OXER1: variants seen among roughly 807,000 people sequenced by gnomAD.
OXER1 encodes oxoeicosanoid receptor 1.
For missense variants in OXER1, 587 were observed against 551.7 expected (o/e 1.06, Z -0.64); for synonymous variants, 258 against 245.8 (o/e 1.05, Z -0.47).
Position 42,762,992 on chromosome 2 carries a change from C to T in OXER1, c.1188G>A (p.Glu396=), listed in dbSNP as rs148146219. 54 of 1,613,978 alleles carry T rather than the reference C, an allele frequency of 3.3e-5. No individual in the cohort carries two copies. The African/African-American group carries it at 7.1e-4, about 21-fold the overall frequency. ...CTATGGCCTCCGCCTTCCTAGAGGCCTCCCGGTAGCGCCACTGCCTGGAGG... is the reference window on the plus strand; with the variant it reads ...CTATGGCCTCCGCCTTCCTAGAGGCTTCCCGGTAGCGCCACTGCCTGGAGG... The change falls in exon 1 of 1, where the codon GAG becomes GAA. Residue 396 remains glutamate, a synonymous_variant. Coordinates refer to ENST00000378661, the Ensembl canonical transcript of OXER1.
At chr2:42,762,844 T>C in exon 1 of OXER1, 2 of 1,506,864 alleles carry the variant, frequency 1.3e-6, no homozygotes, top group Non-Finnish European at 1.8e-6. Context: ...GTGCTGGCCT[T>C]GTCCCTCCAG....
chr2:42,763,676 G>A lies in OXER1; in HGVS notation c.504C>T (p.Asn168=), dbSNP rs568525218. The A allele has an allele frequency of 2.5e-6, 4 of 1,614,122 alleles. No homozygotes were observed. Among genetic ancestry groups the A allele is most frequent in the Non-Finnish European group, 3.4e-6 (4 of 1,180,008 alleles). The change falls in exon 1 of 1, where the codon AAC becomes AAT. Residue 168 remains asparagine (N), a synonymous_variant. Transcript: ENST00000378661. This position sits in a 1 kb window ranked among gnomAD's most constrained non-coding sequence, Gnocchi z 4.4. ...TGCGGTTGGTGGACAGCATGAAGAG[G>A]TTGACTTTGCAGGCAGCAGCCCCAA... is the stretch of plus-strand genomic sequence containing the variant.
At chr2:42,762,673 C>A in exon 1 of OXER1, 12 of 532,108 alleles carry the variant, frequency 2.3e-5, no homozygotes, top group South Asian at 1.4e-4. Flanking sequence ...CTGTCTCCTC[C>A]ACCCGGCATC....
chr2:42,762,627 G>GT (rs1670493993), exon 1 of OXER1: 1 of 462,486 alleles, frequency 2.2e-6, no homozygotes, highest in East Asian at 3.6e-5. Flanking sequence ...AGCTGCGCAG[G>GT]CCCCTGTCTG....
Position 42,763,901 on chromosome 2 carries a change from G to C in OXER1, c.279C>G (p.Ala93=), listed in dbSNP as rs201326886. ...CCAGGGCCAGGATTGGTGCCAGGAAGGCAGACACCAGCGAGGAAGAGGTGG... is the reference window on the plus strand; with the variant it reads ...CCAGGGCCAGGATTGGTGCCAGGAACGCAGACACCAGCGAGGAAGAGGTGG... The change falls in exon 1 of 1, where the codon GCC becomes GCG. Residue 93 remains alanine, a synonymous_variant. Transcript: ENST00000378661. The surrounding 1 kb of genome is among the most constrained non-coding windows in gnomAD (Gnocchi z 4.4). 3.1e-6 allele frequency: 5 copies of C among 1,613,884 alleles called. No homozygotes were observed. The African/African-American group carries it at 6.7e-5, about 22-fold the overall frequency.
chr2:42,763,143 A>G lies in OXER1; in HGVS notation c.1037T>C (p.Leu346Pro). The G allele has an allele frequency of 1.9e-6, 3 of 1,614,070 alleles. No homozygotes were observed. The South Asian group carries it at 3.3e-5, about 18-fold the overall frequency. The stretch of plus-strand genomic sequence containing the variant: ...GAGCACGGGGTCCAGGACACTGTTG[A>G]GGTAGGTGAAGGCCAGGGAGCCATG... Residue 346 changes from leucine to proline, a missense_variant, in exon 1 of 1, where the codon CTC becomes CCC. Transcript: ENST00000378661. This position sits in a 1 kb window ranked among gnomAD's most constrained non-coding sequence, Gnocchi z 4.4.
exon 1 of OXER1, chr2:42,764,098 G>C: frequency 6.2e-7 from 1 of 1,614,090 alleles, no homozygotes; most frequent in Non-Finnish European, 8.5e-7. Context: ...AGAAGGTTCT[G>C]GAGTCTTCTA....
Position 42,762,942 on chromosome 2 carries a change from ACCTCGC to A in OXER1, c.1232_1237del (p.Gly411_Glu412del). On this transcript the variant is annotated inframe_deletion, in exon 1 of 1. Transcript: ENST00000378661. ...GGAGGAGCCTTCCTTTTCCAGAGAG[ACCTCGC>A]CCTGCACTTTCAGCTTCCCTATGGC... 4 of 1,613,348 alleles carry A rather than the reference ACCTCGC, an allele frequency of 2.5e-6. No homozygotes were observed. In the South Asian group the frequency reaches 4.4e-5, roughly 18 times the overall value.
exon 1 of OXER1, chr2:42,762,693 C>T: frequency 1.7e-6 from 1 of 581,054 alleles, no homozygotes; most frequent in Non-Finnish European, 3.0e-6. Flanking sequence ...CCTGCTCTCC[C>T]CTGCATTCTG....
Position 42,763,882 on chromosome 2 carries a change from C to T in OXER1, c.298G>A (p.Ala100Thr). ...ACCAGGCCCAGGACAAACTCCAGGG[C>T]CAGGATTGGTGCCAGGAAGGCAGAC... The change falls in exon 1 of 1, where the codon GCC becomes ACC. Residue 100 changes from alanine (A) to threonine (T), a missense_variant. Coordinates refer to ENST00000378661, the Ensembl canonical transcript of OXER1. This position sits in a 1 kb window ranked among gnomAD's most constrained non-coding sequence, Gnocchi z 4.4. The T allele has an allele frequency of 6.2e-7, 1 of 1,613,858 alleles. No individual in the cohort carries two copies. Among genetic ancestry groups the T allele is most frequent in the South Asian group, 1.1e-5 (1 of 91,078 alleles).
At chr2:42,763,948 A>AC in the OXER1 span, 36 of 1,612,676 alleles carry the variant, frequency 2.2e-5, 1 homozygote, top group South Asian at 1.4e-4. This position sits in a 1 kb window ranked among gnomAD's most constrained non-coding sequence, Gnocchi z 4.4. Flanking sequence ...CCTCCAGAGG[A>AC]CCCCCCCACA....
chr2:42,763,102 G>A lies in OXER1; in HGVS notation c.1078C>T (p.Pro360Ser). Residue 360 changes from proline (P) to serine (S), a missense_variant, in exon 1 of 1, where the codon CCC becomes TCC. Transcript: ENST00000378661. This position sits in a 1 kb window ranked among gnomAD's most constrained non-coding sequence, Gnocchi z 4.4. ...GCCCGGCTCTGGTGGAGGAAGTTGG[G>A]GCTAGAGAAGCAGTAGAGCACGGGG... The A allele has an allele frequency of 6.2e-7, 1 of 1,614,198 alleles. No individual in the cohort carries two copies. The highest frequency in any genetic ancestry group is 8.5e-7 in the Non-Finnish European group (1 of 1,180,048).
rs1487008507 is a variant in OXER1 at position 42,763,206 on chromosome 2, G to T, written c.974C>A (p.Ser325Tyr). 1.2e-6 allele frequency: 2 copies of T among 1,610,582 alleles called. No homozygotes were observed. The highest frequency in any genetic ancestry group is 2.2e-5 in the South Asian group (2 of 90,610). The change falls in exon 1 of 1, where the codon TCC (serine) becomes TAC (tyrosine). Residue 325 changes from serine (S) to tyrosine (Y), a missense_variant. Transcript: ENST00000378661. The surrounding 1 kb of genome is among the most constrained non-coding windows in gnomAD (Gnocchi z 4.4). ...GCAGAGGTCCAGGGATCGGCAGGCG[G>T]ACAGCCAGAAAGCCACCATGGAAGC...
chr2:42,762,646 T>C, exon 1 of OXER1: 1 of 494,224 alleles, frequency 2.0e-6, no homozygotes, highest in South Asian at 3.0e-5. Flanking sequence ...TGAGCTGGTG[T>C]GCCAACGGCA....
chr2:42,762,806 T>C, exon 1 of OXER1: 1 of 1,363,886 alleles, frequency 7.3e-7, no homozygotes, highest in Non-Finnish European at 9.9e-7. Context: ...TCTGCCGCCA[T>C]CCCTTGTCCA....
Position 42,763,727 on chromosome 2 carries a change from G to A in OXER1, c.453C>T (p.Tyr151=), listed in dbSNP as rs1393527729. ...AGCGCCAGGTCTCATGGAGGAGGTA[G>A]TAGTCCACGCGGAGGGGCAGGTTGC... is the stretch of plus-strand genomic sequence containing the variant. The change falls in exon 1 of 1, where the codon TAC becomes TAT. Residue 151 remains tyrosine (Y), a synonymous_variant. Coordinates refer to ENST00000378661, the Ensembl canonical transcript of OXER1. The surrounding 1 kb of genome is among the most constrained non-coding windows in gnomAD (Gnocchi z 4.4). The A allele has an allele frequency of 6.2e-6, 10 of 1,614,142 alleles. No individual in the cohort carries two copies. In the Middle Eastern group the frequency reaches 9.9e-4, roughly 160 times the overall value.
In OXER1 at chr2:42,763,955, C is replaced by G. The variant is rs148310772; in HGVS notation, c.225G>C (p.Val75=). The stretch of plus-strand genomic sequence containing the variant: ...GGCAGGGCCCTCCAGAGGACCCCCC[C>G]ACAGTGGTAAAGGCAGAGGGAGCAG... Residue 75 remains valine (V), a synonymous_variant, in exon 1 of 1, where the codon GTG becomes GTC. Transcript: ENST00000378661. The surrounding 1 kb of genome is among the most constrained non-coding windows in gnomAD (Gnocchi z 4.4). The G allele has an allele frequency of 5.0e-6, 8 of 1,613,758 alleles. No homozygotes were observed. The highest frequency in any genetic ancestry group is 2.7e-5 in the African/African-American group (2 of 74,954).
exon 1 of OXER1, chr2:42,762,672 C>CATTAAAA: frequency 2.4e-5 from 13 of 533,020 alleles, no homozygotes; most frequent in South Asian, 1.3e-4. Context: ...CCTGTCTCCT[C>CATTAAAA]CACCCGGCAT....
rs200032038 is a variant in OXER1 at position 42,763,060 on chromosome 2, G to A, written c.1120C>T (p.Arg374Trp). ...TCGCTCACTGGGCCCTGCCGGCCCC[G>A]CGTGAGGCCCAGCAAGGCCCGGCTC... Residue 374 changes from arginine (R) to tryptophan (W), a missense_variant, in exon 1 of 1, where the codon CGG becomes TGG. Physicochemically the swap from Arg to Trp is moderately radical, Grantham distance 101. Transcript: ENST00000378661. The surrounding 1 kb of genome is among the most constrained non-coding windows in gnomAD (Gnocchi z 4.4). The A allele has an allele frequency of 1.0e-4, 168 of 1,614,000 alleles. 1 individual carries two copies. Among genetic ancestry groups the A allele is most frequent in the Middle Eastern group, 3.3e-4 (2 of 6,084 alleles).
Sources: gnomAD v4.1 joint callset for allele counts on GRCh38, gnomAD v4.1.1 for gene constraint, Gnocchi (gnomAD v3.1) non-coding constraint, MANE v1.5 for transcripts, NCBI Gene and HGNC (gene_info 2026-07-23, HGNC 2026-07-21) for gene names.